Variants in IGF2R observed in about 807,000 individuals in gnomAD.
The protein encoded by IGF2R is insulin like growth factor 2 receptor, also known as cation-independent mannose-6-phosphate receptor.
In IGF2R, 91 loss-of-function variants were observed where a neutral mutation model predicts 270.6. The ratio of observed to expected loss-of-function variants is 0.34; its 90% CI spans 0.28 to 0.40. IGF2R has a LOEUF of 0.40. Ranked by LOEUF, IGF2R falls within the 10% of genes least tolerant of loss-of-function variation. The pLI, the probability that IGF2R is intolerant of heterozygous loss-of-function variation, is 1.00. For synonymous variants in IGF2R, 1,316 were observed against 1,258.9 expected (o/e 1.05, Z -0.96); for missense variants, 2,805 against 3,188.3 (o/e 0.88, Z 2.90).
rs1220690975 is a variant in IGF2R, at chr6:160,064,836, C to G, written c.4050C>G (p.Ser1350=). The change falls in exon 29 of 48, where the codon TCC becomes TCG. Residue 1350 remains serine, a synonymous_variant. Transcript: ENST00000356956. ...TTCTAAAGGAGACTTCAGATTGTTC[C>G]TACTTGTTTGAGTGGCGAACGCAGT... The part of the protein sequence containing the change: ...PVFLKETSDC[S]YLFEWRTQYA... 6 of 1,613,570 alleles carry G rather than the reference C, an allele frequency of 3.7e-6. No individual in the cohort carries two copies. Among genetic ancestry groups the G allele is most frequent in the Non-Finnish European group, 4.2e-6 (5 of 1,179,598 alleles).
Position 160,058,080 on chromosome 6 carries a change from A to T in IGF2R, c.2854A>T (p.Ser952Cys), listed in dbSNP as rs1299736765. 6.2e-6 allele frequency: 10 copies of T among 1,613,758 alleles called. No individual in the cohort carries two copies. Among genetic ancestry groups the T allele is most frequent in the Non-Finnish European group, 8.5e-6 (10 of 1,179,628 alleles). The part of the protein sequence containing the change: ...GFVFNLNPLN[S>C]SQGYNVSGIG... ...TGTGTTTAATCTTAATCCGCTAAAC[A>T]GTTCGCAAGGATATAACGTCTCTGG... The change falls in exon 21 of 48, where the codon AGT becomes TGT. Residue 952 changes from serine (S) to cysteine (C), a missense_variant. By Grantham distance (112) the Ser-to-Cys change is moderately radical (BLOSUM62 -1). Around this residue, in one of 2 missense-constraint regions of IGF2R, gnomAD observed 1,851 missense variants for 2,207.2 expected, o/e 0.84. Coordinates refer to ENST00000356956, the MANE Select transcript of IGF2R (RefSeq NM_000876.4).
intron 6 of IGF2R, among the ~76,000 whole-genome samples, chr6:160,028,824 C>CTGG: frequency 6.7e-6 from 1 of 150,172 alleles, no homozygotes; most frequent in Non-Finnish European, 1.5e-5. Flanking sequence ...GCCTGCTTGT[C>CTGG]TGCCTTTTTT....
intron 1 of IGF2R, among the ~76,000 whole-genome samples, chr6:159,989,733 A>AT (rs1783948304): frequency 6.6e-6 from 1 of 152,010 alleles, no homozygotes; most frequent in Non-Finnish European, 1.5e-5. Flanking sequence ...CCAGGTCTTT[A>AT]TTTTTTGCAT....
At chr6:159,999,243 T>A (rs1312681616) in intron 2 of IGF2R, among the ~76,000 whole-genome samples, 3 of 152,176 alleles carry the variant, frequency 2.0e-5, no homozygotes, top group Non-Finnish European at 2.9e-5. Flanking sequence ...TTTTTTGACC[T>A]AAGGGGAGGA....
chr6:160,063,689 A>G, intron 27 of IGF2R, 59 bp downstream of exon 27: 2 of 1,328,948 alleles, frequency 1.5e-6, no homozygotes, highest in Admixed American at 2.1e-5. Context: ...ATATTAAAAT[A>G]TTTTGCTGAA....
chr6:160,051,723 C>A (rs1778200845), intron 19 of IGF2R, among the ~76,000 whole-genome samples: 2 of 152,086 alleles, frequency 1.3e-5, no homozygotes, highest in African/African-American at 4.8e-5. Flanking sequence ...GGAAGGCCAA[C>A]ATGGGAAGAT....
chr6:160,070,945 T>A (rs942379521), intron 31 of IGF2R, among the ~76,000 whole-genome samples: 5 of 152,196 alleles, frequency 3.3e-5, no homozygotes, highest in Admixed American at 1.3e-4. Flanking sequence ...AGCATTCTCC[T>A]CTGTGACCTG....
chr6:160,032,147 G>A (rs1433522468), intron 7 of IGF2R, among the ~76,000 whole-genome samples: 2 of 152,186 alleles, frequency 1.3e-5, no homozygotes, highest in Non-Finnish European at 2.9e-5. Context: ...AGCACCTCGT[G>A]GAAAGCGGTG....
chr6:160,076,846 G>T (rs907489002), intron 36 of IGF2R, among the ~76,000 whole-genome samples: 1 of 152,228 alleles, frequency 6.6e-6, no homozygotes, highest in African/African-American at 2.4e-5. Context: ...GGATCTGGGG[G>T]TGTGAGAATT....
chr6:160,069,467 AT>A (rs1778667094), intron 30 of IGF2R, among the ~76,000 whole-genome samples: 3 of 152,178 alleles, frequency 2.0e-5, no homozygotes, highest in African/African-American at 7.2e-5. Flanking sequence ...TGGCACAGGC[AT>A]TTTAGGGACT....
In IGF2R at chr6:160,084,133, G is replaced by A. The variant is rs111641476; in HGVS notation, c.6017G>A (p.Arg2006Gln). The change falls in exon 40 of 48, where the codon CGG (arginine) becomes CAG (glutamine). Residue 2006 changes from arginine (R) to glutamine (Q), a missense_variant. This residue lies in a region of IGF2R where 1,851 missense variants were observed against 2,207.2 expected (regional missense o/e 0.84). Coordinates refer to ENST00000356956, the MANE Select transcript of IGF2R (RefSeq NM_000876.4). The surrounding 1 kb of genome is among the most constrained non-coding windows in gnomAD (Gnocchi z 4.6). ...CAGAAACACAAAACCTACGACCTGC[G>A]GCTGCTCTCCTCTCTCACCGGGTCC... ...FVQKHKTYDL[R>Q]LLSSLTGSWS... 4.3e-6 allele frequency: 7 copies of A among 1,614,108 alleles called. No individual in the cohort carries two copies. The highest frequency in any genetic ancestry group is 1.7e-4 in the Middle Eastern group (1 of 6,060).
rs141128449 is a variant in IGF2R at position 159,998,541 on chromosome 6, A to G, written c.289+7218A>G. On this transcript the variant is annotated intron_variant, in intron 2 of 47. Transcript: ENST00000356956. This position sits in a 1 kb window ranked among gnomAD's most constrained non-coding sequence, Gnocchi z 4.1. ...CCCCGTGGAATAGGAAACGATGCCT[A>G]CAGGGGAGATACCAAAGATAACTAG... is the stretch of plus-strand genomic sequence containing the variant. 7.2e-5 allele frequency among the ~76,000 whole-genome samples: 11 copies of G among 152,338 alleles called. No individual in the cohort carries two copies. In the East Asian group the frequency reaches 1.9e-3, roughly 27 times the overall value.
chr6:160,060,282 C>T (rs929381016), intron 22 of IGF2R, among the ~76,000 whole-genome samples: 4 of 151,896 alleles, frequency 2.6e-5, no homozygotes, highest in Admixed American at 6.6e-5. Context: ...CACAGGCCAC[C>T]GTTGCAGTGT....
Position 160,084,203 on chromosome 6 carries a change from C to T in IGF2R, c.6068+19C>T, listed in dbSNP as rs1779049205. The T allele has an allele frequency of 2.0e-6, 3 of 1,473,244 alleles. No individual in the cohort carries two copies. The highest frequency in any genetic ancestry group is 2.9e-6 in the Non-Finnish European group (3 of 1,052,234). 91.3% of individuals were successfully genotyped at this position (1,473,244 alleles called of 1,614,324 possible). On this transcript the variant is annotated intron_variant, in intron 40 of 47. Transcript: ENST00000356956. This position sits in a 1 kb window ranked among gnomAD's most constrained non-coding sequence, Gnocchi z 4.6. Reference sequence around the variant, plus strand: ...GAGTCTCGTGAGTGCCTTCCCAGTCCACCCGCGGCGCCACACCCTCAGCAT... The same window carrying T: ...GAGTCTCGTGAGTGCCTTCCCAGTCTACCCGCGGCGCCACACCCTCAGCAT...
intron 29 of IGF2R, 109 bp from the exon 30 acceptor site, chr6:160,068,140 C>A: frequency 8.3e-7 from 1 of 1,205,854 alleles, no homozygotes; most frequent in African/African-American, 1.5e-5. Context: ...GTCTAAAGTT[C>A]TGTCAGGCTT....
rs138241538 is a variant in IGF2R at position 160,089,197 on chromosome 6, G to C, written c.6411G>C (p.Gly2137=). The change falls in exon 43 of 48, where the codon GGG becomes GGC. Residue 2137 remains glycine (G), a synonymous_variant. Transcript: ENST00000356956. ...CTCAGGAGGTGCAGATGGTGAATGGGACCATCACCAACCCTATAAATGGCA... is the reference window on the plus strand; with the variant it reads ...CTCAGGAGGTGCAGATGGTGAATGGCACCATCACCAACCCTATAAATGGCA... The part of the protein sequence containing the change: ...VKPQEVQMVN[G]TITNPINGKS... 1.6e-4 allele frequency: 254 copies of C among 1,613,318 alleles called. No homozygotes were observed. In the East Asian group the frequency reaches 5.6e-3, roughly 35 times the overall value.
At chr6:159,981,094 C>T (rs375051719) in intron 1 of IGF2R, among the ~76,000 whole-genome samples, 99 of 152,300 alleles carry the variant, frequency 6.5e-4, no homozygotes, top group Non-Finnish European at 1.1e-3. Context: ...CTCCTGGGAA[C>T]GCCACACCCT....
intron 37 of IGF2R, 30 bp downstream of exon 37, chr6:160,078,392 G>A (rs1216064482): frequency 1.2e-5 from 19 of 1,604,064 alleles, no homozygotes; most frequent in Non-Finnish European, 1.6e-5. Context: ...CGTTGCTGGT[G>A]CAGGTGTACC....
intron 4 of IGF2R, among the ~76,000 whole-genome samples, chr6:160,020,129 A>G (rs150648646): frequency 3.9e-5 from 6 of 152,288 alleles, no homozygotes; most frequent in African/African-American, 1.4e-4. Context: ...GAGTCATTGT[A>G]CAAGAATCAA....
Sources: allele counts gnomAD v4.1 joint callset (sites outside exome capture counted in the v4.1 genomes callset), GRCh38; gene constraint gnomAD v4.1.1; regional missense constraint gnomAD v4.1.1; non-coding constraint Gnocchi (gnomAD v3.1); transcripts MANE v1.5; gene names NCBI Gene and HGNC (gene_info 2026-07-23, HGNC 2026-07-21).